SLC22A2: variants seen among roughly 807,000 people sequenced by gnomAD.
The protein encoded by SLC22A2 is solute carrier family 22 member 2.
In SLC22A2, 46 loss-of-function variants were observed where a neutral mutation model predicts 60.5. The observed-to-expected ratio is 0.76, with a 90% confidence interval of 0.60 to 0.97. The LOEUF is 0.97. Ranked by LOEUF, SLC22A2 falls within the 50% of genes least tolerant of loss-of-function variation. The pLI is 0.00. For synonymous variants in SLC22A2, 303 were observed against 267.0 expected, an observed-to-expected ratio of 1.13 and a Z score of -1.31; for missense variants, 701 against 706.6, an observed-to-expected ratio of 0.99 and a Z score of 0.09.
intron 9 of SLC22A2, among the ~76,000 whole-genome samples, 198 bp from the exon 10 acceptor site, chr6:160,225,002 T>A (rs573137939): frequency 6.6e-6 from 1 of 152,340 alleles, no homozygotes; most frequent in East Asian, 1.9e-4. Flanking sequence ...TTACTATTCC[T>A]AATAGGGAAA....
chr6:160,254,548 T>C (rs1329200128), intron 2 of SLC22A2, among the ~76,000 whole-genome samples: 3 of 152,244 alleles, frequency 2.0e-5, no homozygotes, highest in Non-Finnish European at 4.4e-5. Flanking sequence ...ATCCATGACA[T>C]TCTTGTCCTA....
At position 160,245,321 on chromosome 6, in the gene SLC22A2, T is replaced by C. The variant is rs1783072823; in HGVS notation, c.1064+118A>G. 7.0e-6 allele frequency: 4 copies of C among 567,604 alleles called. No homozygotes were observed. In the East Asian group the frequency reaches 1.2e-4, roughly 17 times the overall value. 35.2% of individuals were successfully genotyped at this position (567,604 alleles called of 1,614,324 possible). On this transcript the variant is annotated intron_variant, in intron 6 of 10. Coordinates refer to ENST00000366953, the MANE Select transcript of SLC22A2 (RefSeq NM_003058.4). ...GAAAACCTACCAGACACAACCCACA[T>C]TGCTGCCCACCGTCAGCGCTAATAC...
intron 10 of SLC22A2, among the ~76,000 whole-genome samples, chr6:160,220,283 G>A (rs1782624933): frequency 6.6e-6 from 1 of 152,200 alleles, no homozygotes; most frequent in African/African-American, 2.4e-5. Context: ...TCTGTAAGAA[G>A]CAACTCCTCA....
chr6:160,237,519 C>A (rs930741414), intron 9 of SLC22A2, among the ~76,000 whole-genome samples: 1 of 152,120 alleles, frequency 6.6e-6, no homozygotes, highest in Non-Finnish European at 1.5e-5. Context: ...TGACTGAGCT[C>A]CTCTCTACCC....
intron 9 of SLC22A2, among the ~76,000 whole-genome samples, chr6:160,232,640 C>T (rs2114856492): frequency 6.6e-6 from 1 of 151,912 alleles, no homozygotes; most frequent in Non-Finnish European, 1.5e-5. Flanking sequence ...CTGCAAAGGC[C>T]ATCAAAAGGC....
chr6:160,256,905 T>A (rs1184206665), intron 1 of SLC22A2, among the ~76,000 whole-genome samples, 188 bp from the exon 2 acceptor site: 4 of 151,376 alleles, frequency 2.6e-5, no homozygotes, highest in Admixed American at 1.3e-4. Context: ...TCTCTCTCTT[T>A]TTTTTTTTTT....
chr6:160,255,497 T>A (rs1010017637), intron 2 of SLC22A2, among the ~76,000 whole-genome samples: 1 of 152,230 alleles, frequency 6.6e-6, no homozygotes, highest in Non-Finnish European at 1.5e-5. Context: ...GGGGATGGCA[T>A]GGGAGGGCAA....
At chr6:160,219,443 C>T (rs932499619) in intron 10 of SLC22A2, among the ~76,000 whole-genome samples, 22 of 126,490 alleles carry the variant, frequency 1.7e-4, no homozygotes, top group South Asian at 1.5e-3. Flanking sequence ...CCAAGCACTG[C>T]GACGGGTGCT....
chr6:160,233,035 G>A lies in SLC22A2; in HGVS notation c.1502-8231C>T, dbSNP rs1782850494. Among the ~76,000 whole-genome samples the A allele has an allele frequency of 2.0e-5, 3 of 151,908 alleles. No homozygotes were observed. The South Asian group carries it at 6.2e-4, about 32-fold the overall frequency. On this transcript the variant is annotated intron_variant, in intron 9 of 10. Coordinates refer to ENST00000366953, the MANE Select transcript of SLC22A2 (RefSeq NM_003058.4). ...TCCATCGTGGAAATCTATCCTCAAG[G>A]AAATCACTTCTCAGTGTTCCATCTG...
intron 2 of SLC22A2, among the ~76,000 whole-genome samples, chr6:160,251,700 A>G (rs760136765): frequency 2.0e-5 from 3 of 152,208 alleles, no homozygotes; most frequent in Non-Finnish European, 4.4e-5. Flanking sequence ...TTCCACTTCA[A>G]TTGGAAGGAT....
intron 2 of SLC22A2, among the ~76,000 whole-genome samples, chr6:160,252,494 T>C (rs541199521): frequency 1.8e-4 from 27 of 152,312 alleles, no homozygotes; most frequent in African/African-American, 6.3e-4. Context: ...TAGAATAAAT[T>C]TGGGGAATCT....
At chr6:160,245,152 T>G (rs1340600835) in intron 6 of SLC22A2, 5 of 215,410 alleles carry the variant, frequency 2.3e-5, no homozygotes, top group Non-Finnish European at 4.6e-5. Context: ...CCTAGAACAA[T>G]TAAATCAGTA....
Position 160,243,770 on chromosome 6 carries a change from G to A in SLC22A2, c.1081C>T (p.Leu361Phe), listed in dbSNP as rs191885672. ...LMYNWFTSSV[L>F]YQGLIMHMGL... is the part of the protein sequence containing the mutation. ...ATGTGCATGATGAGGCCCTGGTAGA[G>A]CACAGAGCTCGTGAACCTGAGCAAA... Residue 361 changes from leucine (L) to phenylalanine (F), a missense_variant, in exon 7 of 11, where the codon CTC (leucine) becomes TTC (phenylalanine). Physicochemically the swap from Leu to Phe is conservative, Grantham distance 22. Transcript: ENST00000366953. 2 of 1,613,302 alleles carry A rather than the reference G, an allele frequency of 1.2e-6. No individual in the cohort carries two copies. Among genetic ancestry groups the A allele is most frequent in the Non-Finnish European group, 1.7e-6 (2 of 1,179,646 alleles).
At chr6:160,257,763 T>C (rs1482182058) in intron 1 of SLC22A2, 1 of 152,218 alleles carries the variant, frequency 6.6e-6, no homozygotes, top group Non-Finnish European at 1.5e-5. Flanking sequence ...TTTTCTATTA[T>C]ATTTATTGGA....
intron 2 of SLC22A2, among the ~76,000 whole-genome samples, chr6:160,252,936 A>G (rs1783211920): frequency 1.3e-5 from 2 of 152,256 alleles, no homozygotes; most frequent in Non-Finnish European, 2.9e-5. Flanking sequence ...TGACTAGCAC[A>G]CAGTAATCAG....
At position 160,241,493 on chromosome 6, in the gene SLC22A2, C is replaced by T. The variant is rs2114862676; in HGVS notation, c.1482G>A (p.Glu494=). Residue 494 remains glutamate (E), a synonymous_variant, in exon 9 of 11, where the codon GAG becomes GAA. Transcript: ENST00000366953. ...TCTTACCGAAAACCATCAGCGGGAG[C>T]TCAAGCCAGATGTTAGTGAGCCGGT... is the stretch of plus-strand genomic sequence containing the variant. ...LVYRLTNIWL[E]LPLMVFGVLG... is the part of the protein sequence containing the mutation. The T allele has an allele frequency of 6.2e-7, 1 of 1,612,720 alleles. No individual in the cohort carries two copies. Among genetic ancestry groups the T allele is most frequent in the East Asian group, 2.2e-5 (1 of 44,852 alleles).
intron 4 of SLC22A2, among the ~76,000 whole-genome samples, chr6:160,247,692 A>C (rs1272068395): frequency 6.6e-6 from 1 of 152,214 alleles, no homozygotes; most frequent in East Asian, 1.9e-4. Flanking sequence ...TCAATTTCCC[A>C]AAGGAATGAG....
intron 9 of SLC22A2, among the ~76,000 whole-genome samples, chr6:160,235,104 T>C (rs1782889935): frequency 6.6e-6 from 1 of 152,202 alleles, no homozygotes; most frequent in Admixed American, 6.5e-5. Flanking sequence ...ATCACAGACC[T>C]CCTTTTGGTA....
intron 9 of SLC22A2, among the ~76,000 whole-genome samples, chr6:160,241,086 G>T (rs753361761): frequency 1.3e-5 from 2 of 152,106 alleles, no homozygotes; most frequent in Non-Finnish European, 2.9e-5. Flanking sequence ...TGGGCATGGA[G>T]GAGTTAACTC....
Sources: gnomAD v4.1 joint callset for allele counts (sites outside exome capture counted in the v4.1 genomes callset) on GRCh38, gnomAD v4.1.1 for gene constraint, MANE v1.5 for transcripts, NCBI Gene and HGNC (gene_info 2026-07-23, HGNC 2026-07-21) for gene names.